The following GALNTL6 variants were observed in gnomAD, a reference collection of about 807,000 sequenced individuals.
GALNTL6 encodes polypeptide N-acetylgalactosaminyltransferase like 6.
GALNTL6 carries 46 observed loss-of-function variants against 73.7 expected under a neutral mutation model. The ratio of observed to expected loss-of-function variants is 0.62; its 90% confidence interval spans 0.49 to 0.80. GALNTL6 has a LOEUF of 0.80. GALNTL6 is among the 30% of genes least tolerant of loss of function. The pLI is 0.00. For missense variants in GALNTL6, 604 were observed against 755.0 expected (o/e 0.80, Z 2.34); for synonymous variants, 259 against 263.7 (o/e 0.98, Z 0.17).
chr4:172,062,110 C>T (rs1731222855), intron 2 of GALNTL6, among the ~76,000 whole-genome samples: 1 of 150,870 alleles, frequency 6.6e-6, no homozygotes, highest in South Asian at 2.1e-4. Context: ...CCACCATGCC[C>T]AGCTAATTTT....
At chr4:172,170,656 G>T (rs761811118) in intron 2 of GALNTL6, among the ~76,000 whole-genome samples, 1 of 151,936 alleles carries the variant, frequency 6.6e-6, no homozygotes, top group Non-Finnish European at 1.5e-5. Flanking sequence ...GGGACTACCG[G>T]CATTCCACCA....
At chr4:172,348,814 T>G (rs1741844185) in intron 5 of GALNTL6, 125 bp downstream of exon 5, 1 of 561,500 alleles carries the variant, frequency 1.8e-6, no homozygotes, top group East Asian at 3.1e-5. Flanking sequence ...TGAAGTTTTA[T>G]CTATGTTGTG....
chr4:172,312,747 G>C (rs758864907), intron 4 of GALNTL6, among the ~76,000 whole-genome samples: 14 of 152,150 alleles, frequency 9.2e-5, no homozygotes, highest in Non-Finnish European at 1.9e-4. Flanking sequence ...AGTACATTAT[G>C]GTTTGAAGGA....
Position 172,371,230 on chromosome 4 carries a change from A to C in GALNTL6, c.553+22541A>C, listed in dbSNP as rs191403107. Among the ~76,000 whole-genome samples, 3 of 152,328 alleles carry C rather than the reference A, an allele frequency of 2.0e-5. No homozygotes were observed. In the East Asian group the frequency reaches 5.8e-4, roughly 29 times the overall value. Reference sequence around the variant, plus strand: ...CCTAATCGCCCAAAAGGAACCATCTATTGTCCTGTCCTGAAAGGAGTTCCT... The same window carrying C: ...CCTAATCGCCCAAAAGGAACCATCTCTTGTCCTGTCCTGAAAGGAGTTCCT... On this transcript the variant is annotated intron_variant, in intron 5 of 12. Transcript: ENST00000506823.
intron 8 of GALNTL6, among the ~76,000 whole-genome samples, chr4:172,907,654 G>A (rs918259435): frequency 6.6e-6 from 1 of 152,106 alleles, no homozygotes; most frequent in African/African-American, 2.4e-5. Context: ...GATTGCTGTC[G>A]GTTGGAACAT....
intron 7 of GALNTL6, among the ~76,000 whole-genome samples, chr4:172,881,966 G>T (rs377548080): frequency 3.2e-4 from 49 of 151,232 alleles, no homozygotes; most frequent in African/African-American, 1.1e-3. Flanking sequence ...TGTGAGGATC[G>T]ATCAAGGTAA....
At chr4:172,148,468 A>G (rs1376519229) in intron 2 of GALNTL6, among the ~76,000 whole-genome samples, 2 of 152,188 alleles carry the variant, frequency 1.3e-5, no homozygotes, top group African/African-American at 4.8e-5. Flanking sequence ...TTTAGTAAGG[A>G]AAGTTATCTG....
chr4:172,804,185 G>A (rs1740822362), intron 5 of GALNTL6, among the ~76,000 whole-genome samples: 1 of 152,048 alleles, frequency 6.6e-6, no homozygotes, highest in African/African-American at 2.4e-5. Flanking sequence ...GTAAAGTATT[G>A]CCCCTATCAC....
At chr4:172,844,675 T>G (rs899350992) in intron 7 of GALNTL6, among the ~76,000 whole-genome samples, 2 of 152,186 alleles carry the variant, frequency 1.3e-5, no homozygotes, top group Non-Finnish European at 1.5e-5. Flanking sequence ...TTCTTTTAAA[T>G]GAGAAGTTGA....
chr4:172,957,853 A>C (rs970173260), intron 10 of GALNTL6, among the ~76,000 whole-genome samples: 2 of 152,080 alleles, frequency 1.3e-5, no homozygotes, highest in Non-Finnish European at 2.9e-5. Flanking sequence ...GTGGAAGATA[A>C]TATAGCATAG....
chr4:172,831,460 G>A (rs767802306), intron 7 of GALNTL6, among the ~76,000 whole-genome samples: 19 of 152,148 alleles, frequency 1.2e-4, no homozygotes, highest in East Asian at 5.8e-4. Flanking sequence ...GGAGAGGGGC[G>A]TCAAGAAAAG....
intron 5 of GALNTL6, among the ~76,000 whole-genome samples, chr4:172,549,127 T>C (rs768578434): frequency 5.9e-5 from 9 of 152,336 alleles, no homozygotes; most frequent in Non-Finnish European, 1.3e-4. Context: ...TATGGAATAT[T>C]TGCATGGTGC....
chr4:172,599,326 T>C (rs1737969264), intron 5 of GALNTL6, among the ~76,000 whole-genome samples: 1 of 152,142 alleles, frequency 6.6e-6, no homozygotes. Context: ...TATGTATAAC[T>C]GTTAAAAATG....
At chr4:172,940,458 G>T (rs146045096) in intron 9 of GALNTL6, among the ~76,000 whole-genome samples, 3,205 of 152,110 alleles carry the variant, frequency 0.021, 198 homozygotes, top group Admixed American at 0.13. Context: ...TGCCTCTGGG[G>T]TTCAAGTGAT....
At position 172,487,683 on chromosome 4, in the gene GALNTL6, C is replaced by T. The variant is rs890533371; in HGVS notation, c.553+138994C>T. Among the ~76,000 whole-genome samples the T allele has an allele frequency of 6.6e-5, 10 of 152,150 alleles. No homozygotes were observed. The South Asian group carries it at 1.5e-3, about 22-fold the overall frequency. ...GATTACAGGTGTGAGCCACCACACC[C>T]GACCATGTTTTGTTTTTCTTAATTT... On this transcript the variant is annotated intron_variant, in intron 5 of 12. Transcript: ENST00000506823.
In GALNTL6 at chr4:172,322,095, A is replaced by C. The variant is rs972387677; in HGVS notation, c.386+10343A>C. Among the ~76,000 whole-genome samples, 3 of 152,176 alleles carry C rather than the reference A, an allele frequency of 2.0e-5. No homozygotes were observed. The South Asian group carries it at 6.2e-4, about 32-fold the overall frequency. ...CAACTCCAGTAAACACACTGCACGC[A>C]GACAGCCCACCCAAGGGAAGAATCA... is the stretch of plus-strand genomic sequence containing the variant. On this transcript the variant is annotated intron_variant, in intron 4 of 12. Coordinates refer to ENST00000506823, the MANE Select transcript of GALNTL6 (RefSeq NM_001034845.3).
chr4:172,102,561 C>T (rs1241651615), intron 2 of GALNTL6, among the ~76,000 whole-genome samples: 1 of 147,730 alleles, frequency 6.8e-6, no homozygotes, highest in Non-Finnish European at 1.5e-5. Flanking sequence ...CACCTAATAA[C>T]AAGGCCAAGT....
chr4:172,807,613 G>A (rs1407873604), intron 5 of GALNTL6, among the ~76,000 whole-genome samples: 1 of 152,164 alleles, frequency 6.6e-6, no homozygotes, highest in Non-Finnish European at 1.5e-5. Context: ...GGCTTTTCAG[G>A]CTTCAGGAGT....
intron 2 of GALNTL6, among the ~76,000 whole-genome samples, chr4:172,184,445 G>C (rs35035125): frequency 0.032 from 4,893 of 152,086 alleles, 252 homozygotes; most frequent in African/African-American, 0.11. Flanking sequence ...ATGTCTTCTG[G>C]CAGAAAAAAT....
Sources: allele counts gnomAD v4.1 joint callset (sites outside exome capture counted in the v4.1 genomes callset), GRCh38; gene constraint gnomAD v4.1.1; transcripts MANE v1.5; gene names NCBI Gene and HGNC (gene_info 2026-07-23, HGNC 2026-07-21).